Variants in ECE1 observed in about 807,000 individuals in gnomAD.
The protein encoded by ECE1 is endothelin-converting enzyme 1.
In ECE1, 35 loss-of-function variants were observed where a neutral mutation model predicts 98.6. That is an observed-to-expected ratio of 0.35 (90% CI 0.27 to 0.47). The LOEUF is 0.47. Among genes scored for constraint, ECE1 ranks in the 20% least tolerant of loss-of-function variants. The probability of loss-of-function intolerance (pLI) is 1.00; values close to 1 mark genes in which losing one functional copy is unlikely to be tolerated. For missense variants in ECE1, 814 were observed against 1,025.3 expected (o/e 0.79, Z 2.81); for synonymous variants, 394 against 407.1 (o/e 0.97, Z 0.39).
intron 1 of ECE1, among the ~76,000 whole-genome samples, chr1:21,318,693 G>C (rs1638891886): frequency 6.6e-6 from 1 of 152,200 alleles, no homozygotes; most frequent in Non-Finnish European, 1.5e-5. Flanking sequence ...CCCTGGGTGA[G>C]AGGCAGGCGA....
intron 1 of ECE1, among the ~76,000 whole-genome samples, chr1:21,297,530 C>CTT (rs768958507): frequency 1.8e-4 from 21 of 116,180 alleles, no homozygotes; most frequent in East Asian, 4.9e-4. Context: ...TTTTCTTTTT[C>CTT]TTTTTTTTTT....
chr1:21,255,083 T>C (rs938562730), intron 8 of ECE1, among the ~76,000 whole-genome samples: 2 of 152,196 alleles, frequency 1.3e-5, no homozygotes, highest in African/African-American at 4.8e-5. Context: ...GACGGACCCA[T>C]ATACACCTGT....
At chr1:21,268,517 T>C (rs1385169219) in intron 4 of ECE1, among the ~76,000 whole-genome samples, 3 of 152,242 alleles carry the variant, frequency 2.0e-5, no homozygotes, top group Non-Finnish European at 4.4e-5. Flanking sequence ...GAGCCTAGCA[T>C]GAATTCACCT....
intron 2 of ECE1, among the ~76,000 whole-genome samples, chr1:21,289,032 G>A (rs1447092080): frequency 6.6e-6 from 1 of 152,200 alleles, no homozygotes; most frequent in Non-Finnish European, 1.5e-5. Context: ...CCTGCGCTGG[G>A]AGGATTATTC....
In ECE1 at chr1:21,299,238, A is replaced by G. The variant is rs1480228385; in HGVS notation, c.4-9082T>C. 2.5e-5 allele frequency: 5 copies of G among 203,470 alleles called. No homozygotes were observed. The East Asian group carries it at 5.5e-4, about 22-fold the overall frequency. The allele number at this position is 203,470 out of a possible 1,614,324, so 12.6% of individuals were successfully genotyped here. On this transcript the variant is annotated intron_variant, in intron 1 of 18. Coordinates refer to the ECE1 transcript ENST00000415912. ...GTGAGTGGGTGGGTGAGGGCTGGGCAGAGGGAGGAGGAAGTGGGTGGGGCA... is the reference window on the plus strand; with the variant it reads ...GTGAGTGGGTGGGTGAGGGCTGGGCGGAGGGAGGAGGAAGTGGGTGGGGCA...
At chr1:21,328,920 G>A (rs1639139379) in intron 1 of ECE1, among the ~76,000 whole-genome samples, 1 of 152,094 alleles carries the variant, frequency 6.6e-6, no homozygotes, top group Admixed American at 6.6e-5. Context: ...GCCTCTCTGA[G>A]CCTCAGTTTC....
intron 1 of ECE1, among the ~76,000 whole-genome samples, chr1:21,296,755 TC>T (rs1343380417): frequency 6.6e-6 from 1 of 152,164 alleles, no homozygotes; most frequent in African/African-American, 2.4e-5. Context: ...GGGCCTCACC[TC>T]CTTTTTTTGT....
At position 21,235,056 on chromosome 1, in the gene ECE1, C is replaced by T. The variant is rs559685506; in HGVS notation, c.1566+794G>A. On this transcript the variant is annotated intron_variant, in intron 13 of 18. Transcript: ENST00000374893. This position sits in a 1 kb window ranked among gnomAD's most constrained non-coding sequence, Gnocchi z 4.2. ...TGAATTCAGGCTGGGCATGGTGGCTCATGAATATGAGCCAGCCTGGGAGGC... is the reference window on the plus strand; with the variant it reads ...TGAATTCAGGCTGGGCATGGTGGCTTATGAATATGAGCCAGCCTGGGAGGC... Among the ~76,000 whole-genome samples the T allele has an allele frequency of 2.4e-4, 36 of 152,156 alleles. No individual in the cohort carries two copies. The highest frequency in any genetic ancestry group is 7.7e-4 in the African/African-American group (32 of 41,512).
chr1:21,262,874 T>C (rs2098228845), intron 4 of ECE1, among the ~76,000 whole-genome samples: 1 of 152,192 alleles, frequency 6.6e-6, no homozygotes, highest in African/African-American at 2.4e-5. Flanking sequence ...GTTTACAAAG[T>C]TCCTTTTGCC....
chr1:21,275,914 T>C (rs186156457), intron 3 of ECE1, among the ~76,000 whole-genome samples: 1 of 152,292 alleles, frequency 6.6e-6, no homozygotes, highest in Admixed American at 6.5e-5. Context: ...ACCATCTCCT[T>C]GTTCATTTCT....
intron 9 of ECE1, 26 bp from the exon 10 acceptor site, chr1:21,245,129 C>A: frequency 6.3e-7 from 1 of 1,596,500 alleles, no homozygotes; most frequent in Non-Finnish European, 8.6e-7. Context: ...GCCAGAGAGG[C>A]TCAGGGACAC....
At chr1:21,329,155 C>T (rs1156550929) in intron 1 of ECE1, among the ~76,000 whole-genome samples, 1 of 152,196 alleles carries the variant, frequency 6.6e-6, no homozygotes, top group African/African-American at 2.4e-5. Context: ...GCATCAGAAT[C>T]AGGCATTCTG....
At chr1:21,267,292 T>A (rs1345977412) in intron 4 of ECE1, 3 of 152,538 alleles carry the variant, frequency 2.0e-5, no homozygotes, top group African/African-American at 7.2e-5. Context: ...GATACAGACA[T>A]ACCCAAGACT....
chr1:21,290,159 G>A lies in ECE1; in HGVS notation c.52-3C>T. On this transcript the variant is annotated splice_region_variant and splice_polypyrimidine_tract_variant and intron_variant, in intron 1 of 18. Coordinates refer to ENST00000374893, the MANE Select transcript of ECE1 (RefSeq NM_001397.3). The surrounding 1 kb of genome is among the most constrained non-coding windows in gnomAD (Gnocchi z 7.3). ...GTGGCCCGCTTGTACGTCGACATCT[G>A]CAAGGCCAAATGCAGCACGGACTCC... 4 of 1,563,924 alleles carry A rather than the reference G, an allele frequency of 2.6e-6. No homozygotes were observed. Among genetic ancestry groups the A allele is most frequent in the Non-Finnish European group, 2.6e-6 (3 of 1,157,584 alleles).
At chr1:21,248,632 C>CT (rs3831494) in intron 8 of ECE1, among the ~76,000 whole-genome samples, 36 of 148,250 alleles carry the variant, frequency 2.4e-4, no homozygotes, top group South Asian at 6.4e-4. Flanking sequence ...TTTTTCTTTT[C>CT]TTTTTTTTTT....
At chr1:21,306,555 C>T (rs368685823) in intron 1 of ECE1, among the ~76,000 whole-genome samples, 6 of 152,066 alleles carry the variant, frequency 3.9e-5, no homozygotes, top group Non-Finnish European at 2.9e-5. Context: ...CAGGCTGTCT[C>T]GAACTCCTGA....
chr1:21,314,963 T>C (rs1638801707), intron 1 of ECE1, among the ~76,000 whole-genome samples: 2 of 152,218 alleles, frequency 1.3e-5, no homozygotes, highest in African/African-American at 2.4e-5. Flanking sequence ...ATCTCCTCTA[T>C]GAAGTCTTCC....
chr1:21,268,039 G>A (rs187154148), intron 4 of ECE1, among the ~76,000 whole-genome samples: 10 of 152,236 alleles, frequency 6.6e-5, no homozygotes, highest in East Asian at 3.9e-4. Flanking sequence ...TTTTGTATGC[G>A]TTCATCTTAC....
chr1:21,341,041 G>GC (rs1639388165), intron 1 of ECE1, among the ~76,000 whole-genome samples: 1 of 137,894 alleles, frequency 7.3e-6, no homozygotes, highest in East Asian at 2.1e-4. Flanking sequence ...TCCACCCCCC[G>GC]CCCCCCAACA....
Sources: gnomAD v4.1 joint callset for allele counts (sites outside exome capture counted in the v4.1 genomes callset) on GRCh38, gnomAD v4.1.1 for gene constraint, Gnocchi (gnomAD v3.1) non-coding constraint, MANE v1.5 for transcripts, NCBI Gene and HGNC (gene_info 2026-07-23, HGNC 2026-07-21) for gene names.